MMP25: variants seen among roughly 807,000 people sequenced by gnomAD.
MMP25 encodes matrix metallopeptidase 25.
In MMP25, 68 loss-of-function variants were observed where a neutral mutation model predicts 62.1. That is an observed-to-expected ratio of 1.10 (90% CI 0.90 to 1.34). The LOEUF (loss-of-function observed/expected upper bound fraction) is 1.34. Ranked by LOEUF, MMP25 falls within the 40% of genes most tolerant of loss-of-function variation. The pLI, the probability that MMP25 is intolerant of heterozygous loss-of-function variation, is 0.00. For missense variants in MMP25, 942 were observed against 792.5 expected, an observed-to-expected ratio of 1.19 and a Z score of -2.26; for synonymous variants, 407 against 345.6, an observed-to-expected ratio of 1.18 and a Z score of -1.97.
intron 3 of MMP25, 41 bp downstream of exon 3, chr16:3,050,185 G>A: frequency 1.3e-6 from 2 of 1,581,902 alleles, no homozygotes; most frequent in South Asian, 2.3e-5. Context: ...CCTGCCTGCT[G>A]GGCTCCGGCT....
chr16:3,058,681 G>T lies in MMP25; in HGVS notation c.1417+12G>T. Reference sequence around the variant, plus strand: ...CGTCAGCAACGCAGGTGGGGAGCGCGGTGACCTGCGGGTTACTGGGCCTGG... The same window carrying T: ...CGTCAGCAACGCAGGTGGGGAGCGCTGTGACCTGCGGGTTACTGGGCCTGG... On this transcript the variant is annotated intron_variant, in intron 9 of 9. Coordinates refer to ENST00000336577, the MANE Select transcript of MMP25 (RefSeq NM_022468.5). The T allele has an allele frequency of 6.3e-7, 1 of 1,587,738 alleles. No individual in the cohort carries two copies.
rs1955975170 is a variant in MMP25 at position 3,054,757 on chromosome 16, GATGGATGC to G, written c.662-2274_662-2267del. On this transcript the variant is annotated intron_variant, in intron 4 of 9. Coordinates refer to ENST00000336577, the MANE Select transcript of MMP25 (RefSeq NM_022468.5). ...AGATGCATGCACAGAGGCAGGGATGGATGGATGCACAGATGCATGCACAGAGGCGGGGA... is the reference window on the plus strand; with the variant it reads ...AGATGCATGCACAGAGGCAGGGATGGACAGATGCATGCACAGAGGCGGGGA... The G allele has an allele frequency of 1.5e-5, 2 of 135,908 alleles. 1 individual carries two copies. The highest frequency in any genetic ancestry group is 3.2e-5 in the Non-Finnish European group (2 of 61,860). The allele number at this position is 135,908 out of a possible 1,614,324, so 8.4% of individuals were successfully genotyped here. A position where few individuals can be genotyped will look rare whatever the true frequency, so the allele number is the denominator to read the frequency against.
Position 3,057,625 on chromosome 16 carries a change from C to T in MMP25, c.1006+12C>T, listed in dbSNP as rs778036828. ...TTTCTTCTTCAAAGGTGAGTCATTT[C>T]ACTTGGCCTCATATATGTTGGTTTC... is the stretch of plus-strand genomic sequence containing the variant. On this transcript the variant is annotated intron_variant, in intron 7 of 9. Coordinates refer to ENST00000336577, the MANE Select transcript of MMP25 (RefSeq NM_022468.5). The T allele has an allele frequency of 1.9e-6, 3 of 1,613,084 alleles. No individual in the cohort carries two copies. In the African/African-American group the frequency reaches 4.0e-5, roughly 22 times the overall value.
chr16:3,050,179 C>G lies in MMP25; in HGVS notation c.368+35C>G, dbSNP rs375767988. 5.7e-6 allele frequency: 9 copies of G among 1,583,974 alleles called. No homozygotes were observed. In the African/African-American group the frequency reaches 1.2e-4, roughly 21 times the overall value. On this transcript the variant is annotated intron_variant, in intron 3 of 9. Coordinates refer to ENST00000336577, the MANE Select transcript of MMP25 (RefSeq NM_022468.5). ...GGGGCCCACCCGCACCCTGGCCCTG[C>G]CTGCTGGGCTCCGGCTTTGAATGGC... is the stretch of plus-strand genomic sequence containing the variant.
chr16:3,050,386 G>A lies in MMP25; in HGVS notation c.501G>A (p.Glu167=). The A allele has an allele frequency of 6.2e-7, 1 of 1,614,052 alleles. No individual in the cohort carries two copies. ...AGGTGGATTCCCCCCAGGGCCAGGA[G>A]CCCGACATCCTCATCGACTTTGCCC... is the stretch of plus-strand genomic sequence containing the variant. ...FHEVDSPQGQ[E]PDILIDFARA... The change falls in exon 4 of 10, where the codon GAG becomes GAA. Residue 167 remains glutamate (E), a synonymous_variant. Coordinates refer to ENST00000336577, the MANE Select transcript of MMP25 (RefSeq NM_022468.5).
chr16:3,050,206 G>C (rs1264117753), intron 3 of MMP25, 48 bp from the exon 4 acceptor site: 2 of 1,576,418 alleles, frequency 1.3e-6, no homozygotes, highest in Non-Finnish European at 1.7e-6. Flanking sequence ...TTGAATGGCT[G>C]CCTGCTCCCT....
Position 3,046,836 on chromosome 16 carries a change from C to G in MMP25, c.-82C>G. On this transcript the variant is annotated 5_prime_UTR_variant, in exon 1 of 10. Coordinates refer to ENST00000336577, the MANE Select transcript of MMP25 (RefSeq NM_022468.5). ...GGGTGCCCCCCGCCCTCTCCAGGCC[C>G]GGATCTCCTCCCCCAGGTCCCCGGG... is the stretch of plus-strand genomic sequence containing the variant. 5.2e-6 allele frequency: 4 copies of G among 767,366 alleles called. No individual in the cohort carries two copies. The highest frequency in any genetic ancestry group is 7.5e-6 in the Non-Finnish European group (4 of 532,110). 47.5% of individuals were successfully genotyped at this position (767,366 alleles called of 1,614,324 possible).
intron 4 of MMP25, 99 bp downstream of exon 4, chr16:3,050,645 G>C: frequency 7.9e-7 from 1 of 1,267,886 alleles, no homozygotes; most frequent in Non-Finnish European, 1.1e-6. Flanking sequence ...ACAAGGTCTT[G>C]CTCTGTTGCT....
Position 3,047,431 on chromosome 16 carries a change from A to C in MMP25, c.116A>C (p.Tyr39Ser), listed in dbSNP as rs941609555. The C allele has an allele frequency of 4.3e-6, 7 of 1,613,442 alleles. No homozygotes were observed. The highest frequency in any genetic ancestry group is 5.1e-6 in the Non-Finnish European group (6 of 1,179,752). ...VSLGVDWLTR[Y>S]GYLPPPHPAQ... Reference sequence around the variant, plus strand: ...ATGCCCTAGGACTGGCTGACTCGCTATGGTTACCTGCCGCCACCCCACCCT... The same window carrying C: ...ATGCCCTAGGACTGGCTGACTCGCTCTGGTTACCTGCCGCCACCCCACCCT... The change falls in exon 2 of 10, where the codon TAT (tyrosine) becomes TCT (serine). Residue 39 changes from tyrosine (Y) to serine (S), a missense_variant. By Grantham distance (144) the Tyr-to-Ser change is moderately radical. Transcript: ENST00000336577.
In MMP25 at chr16:3,057,401, C is replaced by G; in HGVS notation, c.923+7C>G. On this transcript the variant is annotated splice_region_variant and intron_variant, in intron 6 of 9. Transcript: ENST00000336577. ...CGGCCTCGCCCACACACAGGTGAGT[C>G]CCCCACCAACTCGGAGACCTTGGGT... 1.9e-6 allele frequency: 3 copies of G among 1,609,530 alleles called. No individual in the cohort carries two copies. The highest frequency in any genetic ancestry group is 2.5e-6 in the Non-Finnish European group (3 of 1,177,050).
rs549782968 is a variant in MMP25, at chr16:3,059,695, C to G, written c.*597C>G. On this transcript the variant is annotated 3_prime_UTR_variant, in exon 10 of 10. Transcript: ENST00000336577. Reference sequence around the variant, plus strand: ...CCGCAGTTTCTCACCCCGTTCTGCTCCCACAAGGCCCCCCTACAGTCACTG... The same window carrying G: ...CCGCAGTTTCTCACCCCGTTCTGCTGCCACAAGGCCCCCCTACAGTCACTG... 6.5e-6 allele frequency: 1 copy of G among 152,754 alleles called. No homozygotes were observed. Among genetic ancestry groups the G allele is most frequent in the East Asian group, 1.9e-4 (1 of 5,204 alleles). The allele number at this position is 152,754 out of a possible 1,614,324, so 9.5% of individuals were successfully genotyped here. A position where few individuals can be genotyped will look rare whatever the true frequency, so the allele number is the denominator to read the frequency against.
At position 3,058,624 on chromosome 16, in the gene MMP25, G is replaced by A. The variant is rs1456858675; in HGVS notation, c.1372G>A (p.Glu458Lys). 4 of 1,606,356 alleles carry A rather than the reference G, an allele frequency of 2.5e-6. No individual in the cohort carries two copies. The highest frequency in any genetic ancestry group is 1.7e-5 in the Admixed American group (1 of 59,382). ...CTACCCTCGCGACCTGAGCCTCTGGGAAGGCGCGCCCCCCTCCCCTGACGA... is the reference window on the plus strand; with the variant it reads ...CTACCCTCGCGACCTGAGCCTCTGGAAAGGCGCGCCCCCCTCCCCTGACGA... ...PGYPRDLSLW[E>K]GAPPSPDDVT... The change falls in exon 9 of 10, where the codon GAA becomes AAA. Residue 458 changes from glutamate to lysine, a missense_variant. Coordinates refer to ENST00000336577, the MANE Select transcript of MMP25 (RefSeq NM_022468.5).
intron 2 of MMP25, among the ~76,000 whole-genome samples, chr16:3,049,194 T>C (rs771846332): frequency 1.3e-5 from 2 of 150,598 alleles, no homozygotes; most frequent in African/African-American, 4.9e-5. Flanking sequence ...GGCTGCGGAG[T>C]CCACACGAGG....
intron 4 of MMP25, chr16:3,051,883 G>A (rs888484420): frequency 2.0e-5 from 3 of 152,084 alleles, no homozygotes; most frequent in African/African-American, 7.3e-5. Flanking sequence ...CTAGCACTTC[G>A]GGAAGCACAG....
At position 3,050,299 on chromosome 16, in the gene MMP25, G is replaced by T. The variant is rs369759581; in HGVS notation, c.414G>T (p.Val138=). 1.3e-3 allele frequency: 2,145 copies of T among 1,612,510 alleles called. 9 individuals are homozygous for T. Among genetic ancestry groups the T allele is most frequent in the Non-Finnish European group, 1.0e-3 (1,201 of 1,179,044 alleles). ...PQSSQLSQET[V]RVLMSYALMA... is the part of the protein sequence containing the mutation. ...GCTCCCAGCTGAGCCAGGAGACCGTGCGGGTCCTCATGAGCTATGCCCTGA... is the reference window on the plus strand; with the variant it reads ...GCTCCCAGCTGAGCCAGGAGACCGTTCGGGTCCTCATGAGCTATGCCCTGA... Residue 138 remains valine (V), a synonymous_variant, in exon 4 of 10, where the codon GTG becomes GTT. Transcript: ENST00000336577.
At position 3,050,116 on chromosome 16, in the gene MMP25, G is replaced by C. The variant is rs541094689; in HGVS notation, c.340G>C (p.Val114Leu). ...TCGCCGGTACGCTCTGAGCGGCAGC[G>C]TGTGGAAGAAGCGAACCCTGACATG... is the stretch of plus-strand genomic sequence containing the variant. Reference protein sequence around the residue: ...RRRRYALSGSVWKKRTLTWRV... With the variant: ...RRRRYALSGSLWKKRTLTWRV... The change falls in exon 3 of 10, where the codon GTG becomes CTG. Residue 114 changes from valine (V) to leucine (L), a missense_variant. Coordinates refer to ENST00000336577, the MANE Select transcript of MMP25 (RefSeq NM_022468.5). 1 of 1,608,120 alleles carries C rather than the reference G, an allele frequency of 6.2e-7. No individual in the cohort carries two copies. Among genetic ancestry groups the C allele is most frequent in the Non-Finnish European group, 8.5e-7 (1 of 1,176,362 alleles).
In MMP25 at chr16:3,060,533, C is replaced by T. The variant is rs1423044916; in HGVS notation, c.*1435C>T. 1.3e-5 allele frequency: 2 copies of T among 152,154 alleles called. No individual in the cohort carries two copies. The highest frequency in any genetic ancestry group is 2.4e-5 in the African/African-American group (1 of 41,406). 9.4% of individuals were successfully genotyped at this position (152,154 alleles called of 1,614,324 possible). A position where few individuals can be genotyped will look rare whatever the true frequency, so the allele number is the denominator to read the frequency against. ...GTCCCAGCAACCATGCGAGGGGTTGCCCCAGTTGCTCATACAAACAGATCA... is the reference window on the plus strand; with the variant it reads ...GTCCCAGCAACCATGCGAGGGGTTGTCCCAGTTGCTCATACAAACAGATCA... On this transcript the variant is annotated 3_prime_UTR_variant, in exon 10 of 10. Transcript: ENST00000336577.
Position 3,058,238 on chromosome 16 carries a change from G to T in MMP25, c.1064G>T (p.Arg355Leu), listed in dbSNP as rs143151689. 5.0e-6 allele frequency: 8 copies of T among 1,612,046 alleles called. No individual in the cohort carries two copies. Among genetic ancestry groups the T allele is most frequent in the Non-Finnish European group, 5.9e-6 (7 of 1,179,358 alleles). Residue 355 changes from arginine to leucine, a missense_variant, in exon 8 of 10, where the codon CGG (arginine) becomes CTG (leucine). By Grantham distance (102) the Arg-to-Leu change is moderately radical (BLOSUM62 -2). Coordinates refer to ENST00000336577, the MANE Select transcript of MMP25 (RefSeq NM_022468.5). Reference sequence around the variant, plus strand: ...CAGCTGGTGTCCCCGCGACCCGCACGGCTGCACCGCTTCTGGGAGGGGCTG... The same window carrying T: ...CAGCTGGTGTCCCCGCGACCCGCACTGCTGCACCGCTTCTGGGAGGGGCTG... ...SGQLVSPRPA[R>L]LHRFWEGLPA...
Position 3,059,076 on chromosome 16 carries a change from T to A in MMP25, c.1667T>A (p.Val556Glu). 1.9e-6 allele frequency: 3 copies of A among 1,547,876 alleles called. No homozygotes were observed. The highest frequency in any genetic ancestry group is 2.6e-6 in the Non-Finnish European group (3 of 1,145,208). The change falls in exon 10 of 10, where the codon GTG becomes GAG. Residue 556 changes from valine (V) to glutamate (E), a missense_variant. Val to Glu is a moderately radical substitution (Grantham distance 121). Transcript: ENST00000336577. The stretch of plus-strand genomic sequence containing the variant: ...CCGCTGCTCCTCTTGCCCCTGCTGG[T>A]GGGGGGTGTAGCCTCCCGCTGATGG... ...PIPLLLLPLL[V>E]GGVASR
Sources: gnomAD v4.1 joint callset for allele counts (sites outside exome capture counted in the v4.1 genomes callset) on GRCh38, gnomAD v4.1.1 for gene constraint, MANE v1.5 for transcripts, NCBI Gene and HGNC (gene_info 2026-07-23, HGNC 2026-07-21) for gene names.